Variants in KIF11 observed in about 807,000 individuals in gnomAD.
The protein encoded by KIF11 is kinesin family member 11.
In KIF11, 9 loss-of-function variants were observed where a neutral mutation model predicts 121.0. The ratio of observed to expected loss-of-function variants is 0.07; its 90% CI spans 0.04 to 0.13. The LOEUF is 0.13. Among genes scored for constraint, KIF11 ranks in the 10% least tolerant of loss-of-function variants. The probability of loss-of-function intolerance (pLI) is 1.00; values close to 1 mark genes in which losing one functional copy is unlikely to be tolerated. For missense variants in KIF11, 846 were observed against 1,217.5 expected, an observed-to-expected ratio of 0.69 and a Z score of 4.54; for synonymous variants, 408 against 421.0, an observed-to-expected ratio of 0.97 and a Z score of 0.38.
At position 92,645,540 on chromosome 10, in the gene KIF11, T is replaced by A. The variant is rs749843726; in HGVS notation, c.2445T>A (p.Thr815=). ...NGNLEKISQE[T]EQRCESLNTR... ...ACCTGGAAAAAATATCTCAAGAGAC[T>A]GAACAGAGATGTGAATCTCTGAACA... The change falls in exon 18 of 22, where the codon ACT becomes ACA. Residue 815 remains threonine, a synonymous_variant. Transcript: ENST00000260731. 2.5e-6 allele frequency: 4 copies of A among 1,613,506 alleles called. No individual in the cohort carries two copies. In the African/African-American group the frequency reaches 5.3e-5, roughly 22 times the overall value.
chr10:92,632,704 G>T lies in KIF11; in HGVS notation c.1702+11G>T. 6.4e-7 allele frequency: 1 copy of T among 1,555,398 alleles called. No homozygotes were observed. The highest frequency in any genetic ancestry group is 8.8e-7 in the Non-Finnish European group (1 of 1,141,268). ...ATAAGACCTTATTTGGTAAGTTCAG[G>T]CTGTTCTGTTCTAGTCTTGATGTGT... On this transcript the variant is annotated intron_variant, in intron 13 of 21. Coordinates refer to ENST00000260731, the MANE Select transcript of KIF11 (RefSeq NM_004523.4).
intron 1 of KIF11, 140 bp downstream of exon 1, chr10:92,593,592 T>C (rs1250100641): frequency 1.5e-6 from 1 of 675,788 alleles, no homozygotes. Flanking sequence ...TCAATAAAAA[T>C]GACACCCGGT....
At chr10:92,638,526 G>T (rs1018153002) in intron 16 of KIF11, among the ~76,000 whole-genome samples, 2 of 151,990 alleles carry the variant, frequency 1.3e-5, no homozygotes, top group African/African-American at 4.8e-5. Flanking sequence ...TAAATTTGCT[G>T]TTTTGAAATG....
intron 9 of KIF11, among the ~76,000 whole-genome samples, chr10:92,617,741 T>G (rs1844573072): frequency 7.0e-6 from 1 of 143,034 alleles, no homozygotes; most frequent in African/African-American, 3.0e-5. Context: ...TTTGTTTTTG[T>G]TTTTGTTTTT....
Position 92,648,327 on chromosome 10 carries a change from A to G in KIF11, c.2663A>G (p.Glu888Gly). 1 of 1,612,576 alleles carries G rather than the reference A, an allele frequency of 6.2e-7. No homozygotes were observed. The highest frequency in any genetic ancestry group is 8.5e-7 in the Non-Finnish European group (1 of 1,178,636). ...NIFLDQMTID[E>G]DKLIAQNLEL... ...TTTCTTGATCAGATGACTATTGATGAAGATAAATTGATAGCACAAAATCTA... is the reference window on the plus strand; with the variant it reads ...TTTCTTGATCAGATGACTATTGATGGAGATAAATTGATAGCACAAAATCTA... The change falls in exon 19 of 22, where the codon GAA becomes GGA. Residue 888 changes from glutamate to glycine, a missense_variant. Glu to Gly is a moderately conservative substitution (Grantham distance 98, BLOSUM62 -2). Around this residue, in one of 5 missense-constraint regions of KIF11, gnomAD observed 492 missense variants for 603.4 expected, o/e 0.82. Coordinates refer to ENST00000260731, the MANE Select transcript of KIF11 (RefSeq NM_004523.4).
intron 8 of KIF11, among the ~76,000 whole-genome samples, chr10:92,615,132 G>A (rs970239486): frequency 2.0e-5 from 3 of 152,002 alleles, no homozygotes; most frequent in African/African-American, 2.4e-5. Flanking sequence ...GGCCAGGCAC[G>A]GTGGCTTACG....
At chr10:92,651,993 T>G (rs893913367) in intron 21 of KIF11, among the ~76,000 whole-genome samples, 5 of 138,056 alleles carry the variant, frequency 3.6e-5, no homozygotes, top group African/African-American at 1.1e-4. Flanking sequence ...TAAATATATA[T>G]AGAGAGAGGG....
At chr10:92,611,322 C>T (rs1029235011) in intron 6 of KIF11, among the ~76,000 whole-genome samples, 1 of 151,952 alleles carries the variant, frequency 6.6e-6, no homozygotes, top group Non-Finnish European at 1.5e-5. Context: ...ACGCCATTCT[C>T]CTGCCTCAGC....
chr10:92,615,638 C>G (rs1345029669), intron 8 of KIF11, among the ~76,000 whole-genome samples: 1 of 152,110 alleles, frequency 6.6e-6, no homozygotes, highest in Non-Finnish European at 1.5e-5. Context: ...ATTTGCCCCA[C>G]TCCCATCGCT....
rs1844970271 is a variant in KIF11 at position 92,650,571 on chromosome 10, T to C, written c.3039+54T>C. On this transcript the variant is annotated intron_variant, in intron 21 of 21. Coordinates refer to ENST00000260731, the MANE Select transcript of KIF11 (RefSeq NM_004523.4). ...TCTGATGTAAGTCATTCATTTACTATTCATTATAAAGGTATTGTTCGTGGT... is the reference window on the plus strand; with the variant it reads ...TCTGATGTAAGTCATTCATTTACTACTCATTATAAAGGTATTGTTCGTGGT... 4.0e-6 allele frequency: 4 copies of C among 990,460 alleles called. 1 individual carries two copies. Among genetic ancestry groups the C allele is most frequent in the Middle Eastern group, 2.2e-4 (1 of 4,638 alleles). 61.4% of individuals were successfully genotyped at this position (990,460 alleles called of 1,614,324 possible).
At chr10:92,597,575 T>C (rs1308997922) in intron 1 of KIF11, among the ~76,000 whole-genome samples, 3 of 152,088 alleles carry the variant, frequency 2.0e-5, no homozygotes, top group African/African-American at 7.2e-5. Context: ...AGTTCTCTTT[T>C]TTTTACCTTG....
chr10:92,623,275 T>C (rs1844637719), intron 10 of KIF11, among the ~76,000 whole-genome samples: 1 of 152,202 alleles, frequency 6.6e-6, no homozygotes, highest in African/African-American at 2.4e-5. Context: ...TGTTCACTTT[T>C]TAAAGCCCTG....
Position 92,613,243 on chromosome 10 carries a change from G to A in KIF11, c.789+113G>A. 3 of 1,063,560 alleles carry A rather than the reference G, an allele frequency of 2.8e-6. No individual in the cohort carries two copies. The highest frequency in any genetic ancestry group is 3.3e-5 in the South Asian group (2 of 61,498). 65.9% of individuals were successfully genotyped at this position (1,063,560 alleles called of 1,614,324 possible). ...GTCACTGGGTGATTAGCTTTGTAGTGGGAGAAGAAATTTGTTAATTACAGA... is the reference window on the plus strand; with the variant it reads ...GTCACTGGGTGATTAGCTTTGTAGTAGGAGAAGAAATTTGTTAATTACAGA... On this transcript the variant is annotated intron_variant, in intron 7 of 21. Transcript: ENST00000260731. This position sits in a 1 kb window ranked among gnomAD's most constrained non-coding sequence, Gnocchi z 4.2.
intron 10 of KIF11, among the ~76,000 whole-genome samples, chr10:92,624,228 C>CTTTTTT (rs201871020): frequency 1.7e-4 from 17 of 99,816 alleles, no homozygotes; most frequent in Non-Finnish European, 2.0e-4. Flanking sequence ...TGATCTCATT[C>CTTTTTT]TTTTTTTTTT....
At chr10:92,597,110 G>T in intron 1 of KIF11, 1 of 299,040 alleles carries the variant, frequency 3.3e-6, no homozygotes, top group Non-Finnish European at 6.7e-6. Flanking sequence ...CTTTCTTCAG[G>T]GTTTCTTCTG....
intron 6 of KIF11, among the ~76,000 whole-genome samples, chr10:92,611,073 G>A (rs1694472933): frequency 6.6e-6 from 1 of 151,962 alleles, no homozygotes; most frequent in Non-Finnish European, 1.5e-5. Flanking sequence ...TTTTATGAAG[G>A]TATGTGACAA....
chr10:92,609,303 A>AGAGAGAGTGTGTGT (rs1372794402), intron 5 of KIF11, 82 bp from the exon 6 acceptor site: 3 of 382,554 alleles, frequency 7.8e-6, no homozygotes, highest in Non-Finnish European at 1.1e-5. Context: ...AGAGAGAGAG[A>AGAGAGAGTGTGTGT]GTGTGTGTGT....
At chr10:92,651,170 C>T (rs779907027) in intron 21 of KIF11, among the ~76,000 whole-genome samples, 7 of 151,864 alleles carry the variant, frequency 4.6e-5, no homozygotes, top group Non-Finnish European at 1.5e-5. Flanking sequence ...GGATTACAGG[C>T]ATGCACCACC....
intron 1 of KIF11, among the ~76,000 whole-genome samples, chr10:92,599,675 A>G (rs1437452981): frequency 8.3e-6 from 1 of 119,980 alleles, no homozygotes; most frequent in East Asian, 2.4e-4. Flanking sequence ...TTTTTTTGAG[A>G]TGGAGTCTCG....
Sources: allele counts gnomAD v4.1 joint callset (sites outside exome capture counted in the v4.1 genomes callset), GRCh38; gene constraint gnomAD v4.1.1; regional missense constraint gnomAD v4.1.1; non-coding constraint Gnocchi (gnomAD v3.1); transcripts MANE v1.5; gene names NCBI Gene and HGNC (gene_info 2026-07-23, HGNC 2026-07-21).